PAQR3: variants seen among roughly 807,000 people sequenced by gnomAD.
PAQR3 encodes the protein progestin and adipoQ receptor family member 3.
A neutral mutation model predicts 41.7 loss-of-function variants in PAQR3; 39 were observed. That is an observed-to-expected ratio of 0.93 (90% CI 0.72 to 1.22). PAQR3 has a LOEUF of 1.22. PAQR3 is among the 50% of genes most tolerant of loss of function. The probability of loss-of-function intolerance (pLI) is 0.00; values close to 1 mark genes in which losing one functional copy is unlikely to be tolerated. For synonymous variants in PAQR3, 140 were observed against 140.6 expected (o/e 1.00, Z 0.03); for missense variants, 366 against 385.6 (o/e 0.95, Z 0.42).
rs1735286140 is a variant in PAQR3, at chr4:78,918,251, C to G, written c.*2288G>C. 6.5e-6 allele frequency: 6 copies of G among 928,048 alleles called. No individual in the cohort carries two copies. The South Asian group carries it at 1.5e-4, about 23-fold the overall frequency. The allele number at this position is 928,048 out of a possible 1,614,324, so 57.5% of individuals were successfully genotyped here. ...TAGTATATTTTAATCTTACTTTAATCTATAAAAACAAAAATAACTTAAATA... is the reference window on the plus strand; with the variant it reads ...TAGTATATTTTAATCTTACTTTAATGTATAAAAACAAAAATAACTTAAATA... On this transcript the variant is annotated 3_prime_UTR_variant, in exon 6 of 6. Coordinates refer to ENST00000512733, the MANE Select transcript of PAQR3 (RefSeq NM_001040202.2).
chr4:78,890,129 T>C (rs1733350921), intron 11 of PAQR3, among the ~76,000 whole-genome samples: 1 of 152,126 alleles, frequency 6.6e-6, no homozygotes, highest in Admixed American at 6.5e-5. Flanking sequence ...TTTATTAAAG[T>C]ATGTATATAG....
downstream of PAQR3, chr4:78,911,242 A>G (rs1369378324): frequency 6.2e-7 from 1 of 1,613,876 alleles, no homozygotes; most frequent in Non-Finnish European, 8.5e-7. Context: ...TGATGTATTC[A>G]CAAAGGCGCC....
intron 11 of PAQR3, among the ~76,000 whole-genome samples, chr4:78,895,443 T>C (rs1042827671): frequency 8.5e-5 from 13 of 152,208 alleles, no homozygotes; most frequent in Non-Finnish European, 1.9e-4. Context: ...AAAAGTGTTT[T>C]GATTAAAGGT....
At chr4:78,911,757 T>C, downstream of PAQR3, 1 of 1,613,976 alleles carries the variant, frequency 6.2e-7, no homozygotes, top group Middle Eastern at 1.6e-4. Flanking sequence ...ACCCCTTCGG[T>C]GCCAAGCCCT....
chr4:78,904,251 G>T (rs1429259012), intron 11 of PAQR3, among the ~76,000 whole-genome samples: 1 of 151,872 alleles, frequency 6.6e-6, no homozygotes. Flanking sequence ...TTCTAAGAAA[G>T]ATCATAGTAA....
chr4:78,887,243 C>T (rs1386487178), exon 13 of PAQR3: 2 of 1,611,474 alleles, frequency 1.2e-6, no homozygotes, highest in Non-Finnish European at 1.7e-6. Context: ...AACCATCCTC[C>T]AGAAGATCCT....
At chr4:78,932,637 C>T (rs1737022365) in intron 2 of PAQR3, among the ~76,000 whole-genome samples, 1 of 151,998 alleles carries the variant, frequency 6.6e-6, no homozygotes, top group African/African-American at 2.4e-5. Flanking sequence ...CTTCTGTTTG[C>T]CTAAATTTCT....
chr4:78,895,703 G>C (rs1311525299), intron 11 of PAQR3, among the ~76,000 whole-genome samples: 2 of 152,082 alleles, frequency 1.3e-5, no homozygotes, highest in African/African-American at 4.8e-5. Context: ...AAATTTTATG[G>C]AGCAAAAGGA....
intron 11 of PAQR3, among the ~76,000 whole-genome samples, chr4:78,891,310 C>G (rs1201162638): frequency 6.6e-6 from 1 of 152,000 alleles, no homozygotes; most frequent in Non-Finnish European, 1.5e-5. Flanking sequence ...TCCTCCTTAC[C>G]CCACCATGGA....
chr4:78,924,085 C>A, intron 4 of PAQR3, 138 bp from the exon 5 acceptor site: 1 of 677,800 alleles, frequency 1.5e-6, no homozygotes, highest in African/African-American at 1.8e-5. Flanking sequence ...GAAACCTTGT[C>A]CTCACATGCA....
At chr4:78,890,541 A>T (rs1733378716) in intron 11 of PAQR3, among the ~76,000 whole-genome samples, 1 of 152,152 alleles carries the variant, frequency 6.6e-6, no homozygotes, top group Non-Finnish European at 1.5e-5. Flanking sequence ...TTTATTATCT[A>T]TCCCATGATC....
intron 11 of PAQR3, among the ~76,000 whole-genome samples, chr4:78,897,490 A>C (rs1035004178): frequency 1.3e-5 from 2 of 152,190 alleles, no homozygotes; most frequent in African/African-American, 4.8e-5. Context: ...AAAACTTTGA[A>C]TAATATAGGA....
Position 78,939,094 on chromosome 4 carries a change from G to C in PAQR3, c.131C>G (p.Pro44Arg), listed in dbSNP as rs761198189. 1.2e-6 allele frequency: 2 copies of C among 1,613,462 alleles called. No homozygotes were observed. Among genetic ancestry groups the C allele is most frequent in the Non-Finnish European group, 1.7e-6 (2 of 1,179,632 alleles). ...GGCCCGGTAGCCGTCGGTGATGTAC[G>C]GGTTGTCCTTGAGGGACCCGGGGAT... ...EQIPGSLKDN[P>R]YITDGYRAYL... The change falls in exon 1 of 6, where the codon CCG becomes CGG. Residue 44 changes from proline to arginine, a missense_variant. Physicochemically the swap from Pro to Arg is moderately radical, Grantham distance 103. Coordinates refer to ENST00000512733, the MANE Select transcript of PAQR3 (RefSeq NM_001040202.2).
chr4:78,909,363 A>AT (rs936033561), downstream of PAQR3, among the ~76,000 whole-genome samples: 13 of 55,476 alleles, frequency 2.3e-4, no homozygotes, highest in Non-Finnish European at 3.9e-4. Flanking sequence ...TAGAGCAGTC[A>AT]TTTTTTTTTA....
At position 78,935,143 on chromosome 4, in the gene PAQR3, G is replaced by C; in HGVS notation, c.326C>G (p.Ser109Cys). The C allele has an allele frequency of 6.2e-7, 1 of 1,613,114 alleles. No individual in the cohort carries two copies. The highest frequency in any genetic ancestry group is 8.5e-7 in the Non-Finnish European group (1 of 1,179,650). The change falls in exon 2 of 6, where the codon TCT becomes TGT. Residue 109 changes from serine to cysteine, a missense_variant. Transcript: ENST00000512733. ...SASREDFVIC[S>C]ICLFCFQVCM... Reference sequence around the variant, plus strand: ...TACCTGGAAGCAGAAAAGACAAATAGAACAAATTACAAAATCTTCTCTGGA... The same window carrying C: ...TACCTGGAAGCAGAAAAGACAAATACAACAAATTACAAAATCTTCTCTGGA...
At chr4:78,935,974 C>T (rs762736072) in intron 1 of PAQR3, among the ~76,000 whole-genome samples, 83 of 152,184 alleles carry the variant, frequency 5.5e-4, no homozygotes, top group Non-Finnish European at 1.0e-3. Context: ...AATATGGGTA[C>T]TACGTGCTCT....
At chr4:78,897,436 T>C (rs1283238036) in intron 11 of PAQR3, among the ~76,000 whole-genome samples, 1 of 151,576 alleles carries the variant, frequency 6.6e-6, no homozygotes, top group Non-Finnish European at 1.5e-5. Context: ...GTGTCTCTGC[T>C]ATAATTGAAT....
intron 1 of PAQR3, among the ~76,000 whole-genome samples, chr4:78,935,947 A>G (rs1387674572): frequency 1.3e-5 from 2 of 152,212 alleles, no homozygotes; most frequent in East Asian, 3.8e-4. Flanking sequence ...TTTCACAAAC[A>G]ACTGGACTTA....
intron 11 of PAQR3, among the ~76,000 whole-genome samples, chr4:78,894,216 T>C (rs1268945278): frequency 6.6e-6 from 1 of 152,206 alleles, no homozygotes; most frequent in African/African-American, 2.4e-5. Context: ...AAGTCACCAA[T>C]TGCATTAGCT....
Sources: allele counts gnomAD v4.1 joint callset (sites outside exome capture counted in the v4.1 genomes callset), GRCh38; gene constraint gnomAD v4.1.1; transcripts MANE v1.5; gene names NCBI Gene and HGNC (gene_info 2026-07-23, HGNC 2026-07-21).